Variants in CCN4 observed in about 807,000 individuals in gnomAD.
CCN4 encodes the protein CCN family member 4.
A neutral mutation model predicts 36.7 loss-of-function variants in CCN4; 30 were observed. That is an observed-to-expected ratio of 0.82 (90% CI 0.61 to 1.11). CCN4 has a LOEUF of 1.11. CCN4 is among the 50% of genes least tolerant of loss of function. The probability of loss-of-function intolerance (pLI) is 0.00; values close to 1 mark genes in which losing one functional copy is unlikely to be tolerated. For missense variants in CCN4, 505 were observed against 504.9 expected (o/e 1.00, Z 0.00); for synonymous variants, 191 against 195.4 (o/e 0.98, Z 0.19).
chr8:133,213,784 G>A (rs16904851), intron 2 of CCN4, among the ~76,000 whole-genome samples: 2,408 of 145,492 alleles, frequency 0.017, 55 homozygotes, highest in African/African-American at 0.056. Flanking sequence ...TTGAAGAACA[G>A]TTTTCACAGG....
chr8:133,222,177 T>C (rs982440164), intron 3 of CCN4, among the ~76,000 whole-genome samples: 2 of 152,122 alleles, frequency 1.3e-5, no homozygotes, highest in African/African-American at 2.4e-5. Flanking sequence ...GATAGATGGA[T>C]GGGCTAATGA....
chr8:133,204,523 G>T (rs1463432080), intron 1 of CCN4, among the ~76,000 whole-genome samples: 1 of 152,170 alleles, frequency 6.6e-6, no homozygotes, highest in East Asian at 1.9e-4. Context: ...CGGATTCCAG[G>T]CTTCAGCCTA....
chr8:133,211,666 C>G (rs1854040858), intron 1 of CCN4, among the ~76,000 whole-genome samples: 1 of 152,166 alleles, frequency 6.6e-6, no homozygotes, highest in East Asian at 1.9e-4. Flanking sequence ...AGCCCAGAGC[C>G]CAGCCAGCCC....
At chr8:133,204,959 C>A (rs1227455225) in intron 1 of CCN4, among the ~76,000 whole-genome samples, 1 of 152,212 alleles carries the variant, frequency 6.6e-6, no homozygotes, top group African/African-American at 2.4e-5. Context: ...CTCCCAGGCC[C>A]CTTAGGTTGG....
intron 1 of CCN4, among the ~76,000 whole-genome samples, chr8:133,204,635 G>C (rs565948553): frequency 2.6e-5 from 4 of 152,206 alleles, no homozygotes; most frequent in Admixed American, 1.3e-4. Flanking sequence ...GCTCACTACA[G>C]CCTCTGACTC....
intron 1 of CCN4, among the ~76,000 whole-genome samples, chr8:133,211,231 G>A (rs577786153): frequency 6.6e-5 from 10 of 152,288 alleles, no homozygotes; most frequent in South Asian, 2.1e-4. Flanking sequence ...AGCACTTTGC[G>A]TAGTAAATCC....
At chr8:133,196,141 G>T (rs1853374652) in intron 1 of CCN4, among the ~76,000 whole-genome samples, 1 of 152,204 alleles carries the variant, frequency 6.6e-6, no homozygotes, top group Admixed American at 6.5e-5. Context: ...GGTGGCAAGG[G>T]TTCACACTGA....
At position 133,227,530 on chromosome 8, in the gene CCN4, G is replaced by A; in HGVS notation, c.924G>A (p.Arg308=). ...PKYCGVCMDN[R]CCIPYKSKTI... ...ACTGTGGAGTTTGCATGGACAATAG[G>A]TGCTGCATCCCCTACAAGTCTAAGA... Residue 308 remains arginine, a synonymous_variant, in exon 5 of 5, where the codon AGG becomes AGA. Transcript: ENST00000250160. 1 of 1,614,186 alleles carries A rather than the reference G, an allele frequency of 6.2e-7. No homozygotes were observed. The highest frequency in any genetic ancestry group is 8.5e-7 in the Non-Finnish European group (1 of 1,180,034).
chr8:133,225,587 G>A lies in CCN4; in HGVS notation c.804+4G>A. 1.3e-6 allele frequency: 2 copies of A among 1,575,072 alleles called. No homozygotes were observed. Among genetic ancestry groups the A allele is most frequent in the African/African-American group, 1.3e-5 (1 of 74,254 alleles). On this transcript the variant is annotated splice_donor_region_variant and intron_variant, in intron 4 of 4. Coordinates refer to ENST00000250160, the MANE Select transcript of CCN4 (RefSeq NM_003882.4). ...GGACATCCATACACTCATTAAGGTG[G>A]GTCCAGAGCAGGTGTGGATGTCTAG...
intron 1 of CCN4, among the ~76,000 whole-genome samples, chr8:133,191,436 T>C (rs1231684572): frequency 2.0e-5 from 3 of 152,084 alleles, no homozygotes. Flanking sequence ...GGAAACAAAC[T>C]GCACAGGTCC....
chr8:133,212,781 G>T, intron 1 of CCN4, 83 bp from the exon 2 acceptor site: 1 of 1,069,054 alleles, frequency 9.4e-7, no homozygotes, highest in South Asian at 1.6e-5. Context: ...ACAGCATGAG[G>T]ACAGGAATGC....
chr8:133,220,190 C>A (rs914030569), intron 2 of CCN4, among the ~76,000 whole-genome samples: 13 of 149,266 alleles, frequency 8.7e-5, no homozygotes, highest in Non-Finnish European at 1.6e-4. Flanking sequence ...TCGAAGTGTT[C>A]TGGCTTTTTT....
intron 2 of CCN4, 131 bp from the exon 3 acceptor site, chr8:133,220,450 C>A: frequency 7.3e-7 from 1 of 1,362,460 alleles, no homozygotes. Flanking sequence ...GCCTTTGTGC[C>A]TCTGTTCCTC....
At chr8:133,192,081 C>T (rs1327031267) in intron 1 of CCN4, among the ~76,000 whole-genome samples, 2 of 152,110 alleles carry the variant, frequency 1.3e-5, no homozygotes, top group African/African-American at 4.8e-5. Flanking sequence ...CTTCTGAGCC[C>T]CAGATTCCAC....
At chr8:133,206,641 T>G (rs897207830) in intron 1 of CCN4, among the ~76,000 whole-genome samples, 1 of 152,146 alleles carries the variant, frequency 6.6e-6, no homozygotes, top group Admixed American at 6.5e-5. Context: ...AGAGAGACCC[T>G]ACACTGGCCT....
intron 2 of CCN4, among the ~76,000 whole-genome samples, chr8:133,214,507 G>GGTTGTTGTTGTT (rs376862240): frequency 0.031 from 4,646 of 151,522 alleles, 212 homozygotes; most frequent in African/African-American, 0.11. Flanking sequence ...GTTTGGAGGT[G>GGTTGTTGTTGTT]GTTGTTGTTG....
intron 2 of CCN4, among the ~76,000 whole-genome samples, chr8:133,220,009 C>T (rs774926930): frequency 6.6e-6 from 1 of 151,970 alleles, no homozygotes; most frequent in African/African-American, 2.4e-5. Context: ...CGCCCAACTC[C>T]CCCTCCCTGC....
chr8:133,217,074 G>T (rs534841207), intron 2 of CCN4, among the ~76,000 whole-genome samples: 40 of 152,182 alleles, frequency 2.6e-4, no homozygotes, highest in Non-Finnish European at 4.7e-4. Flanking sequence ...GACTTTAGGC[G>T]AACTACTTAG....
chr8:133,194,574 AGGGGTGTGT>A (rs1158046402), intron 1 of CCN4, among the ~76,000 whole-genome samples: 7 of 7,004 alleles, frequency 1.0e-3, no homozygotes, highest in East Asian at 4.3e-3. Context: ...GGTGGTATGG[AGGGGTGTGT>A]GGGGTGTGTG....
Sources: allele counts gnomAD v4.1 joint callset (sites outside exome capture counted in the v4.1 genomes callset), GRCh38; gene constraint gnomAD v4.1.1; transcripts MANE v1.5; gene names NCBI Gene and HGNC (gene_info 2026-07-23, HGNC 2026-07-21).